Variants in RSPO1 observed in about 807,000 individuals in gnomAD.
RSPO1 encodes the protein R-spondin-1.
Under a neutral mutation model 26.0 loss-of-function variants are expected in RSPO1, and 18 were observed. The observed-to-expected ratio is 0.69, with a 90% CI of 0.48 to 1.03. The LOEUF is 1.03. Ranked by LOEUF, RSPO1 falls within the 50% of genes least tolerant of loss-of-function variation. RSPO1 has a pLI of 0.00. For synonymous variants in RSPO1, 133 were observed against 137.4 expected (o/e 0.97, Z 0.22); for missense variants, 309 against 352.3 (o/e 0.88, Z 0.98).
At position 37,613,719 on chromosome 1, in the gene RSPO1, C is replaced by T; in HGVS notation, c.610G>A (p.Val204Met). 6.2e-7 allele frequency: 1 copy of T among 1,613,594 alleles called. No homozygotes were observed. The highest frequency in any genetic ancestry group is 2.2e-5 in the East Asian group (1 of 44,872). ...TGCAGCTCACCCTCAGGACACGGCA[C>T]TCTCCTCACTGTGCACCTCCGGGTC... ...KETRRCTVRR[V>M]PCPEGQKRRK... The change falls in exon 6 of 7, where the codon GTG becomes ATG. Residue 204 changes from valine (V) to methionine (M), a missense_variant. Coordinates refer to ENST00000356545, the MANE Select transcript of RSPO1 (RefSeq NM_001242908.2). The surrounding 1 kb of genome is among the most constrained non-coding windows in gnomAD (Gnocchi z 4.5).
intron 5 of RSPO1, 122 bp from the exon 6 acceptor site, chr1:37,614,014 A>G: frequency 7.5e-7 from 1 of 1,334,174 alleles, no homozygotes; most frequent in Non-Finnish European, 1.1e-6. Flanking sequence ...CTGAGGCTGC[A>G]GGTATCTTTA....
intron 3 of RSPO1, among the ~76,000 whole-genome samples, chr1:37,628,543 T>C (rs948660443): frequency 3.9e-5 from 6 of 152,210 alleles, no homozygotes; most frequent in Admixed American, 1.3e-4. Context: ...CCTGTGGGTG[T>C]GGCATCTTCT....
chr1:37,632,329 A>T lies in RSPO1; in HGVS notation c.-331T>A, dbSNP rs1183577344. ...TGATCTTCTGGCCCACTCCCACCTG[A>T]ATCACCAGGAAACCACAATCTCAGC... On this transcript the variant is annotated 5_prime_UTR_variant, in exon 2 of 7. Coordinates refer to ENST00000356545, the MANE Select transcript of RSPO1 (RefSeq NM_001242908.2). 2 of 152,254 alleles carry T rather than the reference A, an allele frequency of 1.3e-5. No individual in the cohort carries two copies. Among genetic ancestry groups the T allele is most frequent in the East Asian group, 3.8e-4 (2 of 5,204 alleles). The allele number at this position is 152,254 out of a possible 1,614,324, so 9.4% of individuals were successfully genotyped here. A position where few individuals can be genotyped will look rare whatever the true frequency, so the allele number is the denominator to read the frequency against.
Position 37,619,447 on chromosome 1 carries a change from A to G in RSPO1, c.95-2772T>C, listed in dbSNP as rs78767119. ...GTGTGCTTCCCTGAAAAGGGGAGAT[A>G]AGGATGTCCACTCCGGACAACTGCT... On this transcript the variant is annotated intron_variant, in intron 3 of 6. Transcript: ENST00000356545. Among the ~76,000 whole-genome samples, 1,377 of 152,298 alleles carry G rather than the reference A, an allele frequency of 9.0e-3. 18 individuals are homozygous for G. Among genetic ancestry groups the G allele is most frequent in the African/African-American group, 0.032 (1,314 of 41,542 alleles).
Position 37,632,364 on chromosome 1 carries a change from G to A in RSPO1, c.-355-11C>T, listed in dbSNP as rs4233215. On this transcript the variant is annotated splice_polypyrimidine_tract_variant and intron_variant, in intron 1 of 6. Transcript: ENST00000356545. ...AAACCACAATCTCAGCTGGAAAATCGTAAGGAGGATCCAGATGTAAATTTC... is the reference window on the plus strand; with the variant it reads ...AAACCACAATCTCAGCTGGAAAATCATAAGGAGGATCCAGATGTAAATTTC... 30,003 of 152,180 alleles carry A rather than the reference G, an allele frequency of 0.2. 3,626 individuals carry two copies. Among genetic ancestry groups the A allele is most frequent in the East Asian group, 0.48 (2,471 of 5,180 alleles). 9.4% of individuals were successfully genotyped at this position (152,180 alleles called of 1,614,324 possible).
intron 4 of RSPO1, among the ~76,000 whole-genome samples, chr1:37,615,364 C>T (rs1644095213): frequency 6.6e-6 from 1 of 152,202 alleles, no homozygotes; most frequent in Admixed American, 6.5e-5. Context: ...ACACTAAGGG[C>T]TTTACATGCA....
chr1:37,613,750 G>C lies in RSPO1; in HGVS notation c.579C>G (p.Thr193=). ...TCACTGTGCACCTCCGGGTCTCCTT[G>C]GTGTCAGAGCAGGCAGCATGGTCCC... ...PVGDHAACSD[T]KETRRCTVRR... The change falls in exon 6 of 7, where the codon ACC becomes ACG. Residue 193 remains threonine (T), a synonymous_variant. Transcript: ENST00000356545. This position sits in a 1 kb window ranked among gnomAD's most constrained non-coding sequence, Gnocchi z 4.5. The C allele has an allele frequency of 6.2e-7, 1 of 1,613,930 alleles. No individual in the cohort carries two copies. The highest frequency in any genetic ancestry group is 1.1e-5 in the South Asian group (1 of 91,080).
At chr1:37,626,237 C>T (rs192269264) in intron 3 of RSPO1, among the ~76,000 whole-genome samples, 10 of 152,296 alleles carry the variant, frequency 6.6e-5, no homozygotes, top group Admixed American at 3.3e-4. Context: ...ACCCTCCCCT[C>T]AGCCCCAGAC....
rs534011478 is a variant in RSPO1 at position 37,612,921 on chromosome 1, C to T, written c.626G>A (p.Gly209Glu). ...CTVRRVPCPEGQKRRKGGQGR... is the reference protein window; with the variant it reads ...CTVRRVPCPEEQKRRKGGQGR... ...CTGGCCTCCCTTCCTCCTCTTCTGC[C>T]CTGAAACAACCAAACAGCAGGAAGA... is the stretch of plus-strand genomic sequence containing the variant. Residue 209 changes from glycine to glutamate, a missense_variant and splice_region_variant, in exon 7 of 7, where the codon GGG (glycine) becomes GAG (glutamate). Coordinates refer to ENST00000356545, the MANE Select transcript of RSPO1 (RefSeq NM_001242908.2). The T allele has an allele frequency of 1.5e-5, 25 of 1,613,990 alleles. No individual in the cohort carries two copies. The East Asian group carries it at 4.2e-4, about 27-fold the overall frequency.
Position 37,623,980 on chromosome 1 carries a change from T to C in RSPO1, c.94+5588A>G, listed in dbSNP as rs1245821655. Among the ~76,000 whole-genome samples the C allele has an allele frequency of 5.9e-5, 9 of 152,028 alleles. No individual in the cohort carries two copies. In the East Asian group the frequency reaches 1.8e-3, roughly 30 times the overall value. On this transcript the variant is annotated intron_variant, in intron 3 of 6. Coordinates refer to ENST00000356545, the MANE Select transcript of RSPO1 (RefSeq NM_001242908.2). ...TTTCACCATGTTGGCCAGGCTGGTC[T>C]TAAACTCCTGACCTCGTGATCTGCC... is the stretch of plus-strand genomic sequence containing the variant.
chr1:37,613,014 C>A lies in RSPO1; in HGVS notation c.626-93G>T. 7.0e-7 allele frequency: 1 copy of A among 1,433,762 alleles called. No individual in the cohort carries two copies. 88.8% of individuals were successfully genotyped at this position (1,433,762 alleles called of 1,614,324 possible). A position where few individuals can be genotyped will look rare whatever the true frequency, so the allele number is the denominator to read the frequency against. ...GCCCTAGGAGGGGAGTGTGAGGAAG[C>A]CGGAAGGGGAGGCAGGGAGGAGGCT... On this transcript the variant is annotated intron_variant, in intron 6 of 6. Transcript: ENST00000356545. The surrounding 1 kb of genome is among the most constrained non-coding windows in gnomAD (Gnocchi z 4.5).
chr1:37,616,382 G>A (rs1452912155), intron 4 of RSPO1, 102 bp downstream of exon 4: 8 of 1,065,422 alleles, frequency 7.5e-6, no homozygotes, highest in Non-Finnish European at 1.0e-5. Flanking sequence ...TCTCCTCAGA[G>A]CCCCCTCTGC....
chr1:37,624,202 C>T (rs2148176031), intron 3 of RSPO1, among the ~76,000 whole-genome samples: 1 of 152,294 alleles, frequency 6.6e-6, no homozygotes, highest in East Asian at 1.9e-4. Context: ...AGGAGGATAT[C>T]TTGAGCCCAG....
rs373554549 is a variant in RSPO1 at position 37,613,715 on chromosome 1, G to A, written c.614C>T (p.Pro205Leu). 3.0e-5 allele frequency: 48 copies of A among 1,613,226 alleles called. No individual in the cohort carries two copies. Among genetic ancestry groups the A allele is most frequent in the Admixed American group, 5.0e-5 (3 of 60,004 alleles). The part of the protein sequence containing the change: ...ETRRCTVRRV[P>L]CPEGQKRRKG... The stretch of plus-strand genomic sequence containing the variant: ...AGGCTGCAGCTCACCCTCAGGACAC[G>A]GCACTCTCCTCACTGTGCACCTCCG... Residue 205 changes from proline (P) to leucine (L), a missense_variant, in exon 6 of 7, where the codon CCG (proline) becomes CTG (leucine). Physicochemically the swap from Pro to Leu is moderately conservative, Grantham distance 98. Coordinates refer to ENST00000356545, the MANE Select transcript of RSPO1 (RefSeq NM_001242908.2). This position sits in a 1 kb window ranked among gnomAD's most constrained non-coding sequence, Gnocchi z 4.5.
At chr1:37,633,039 C>G (rs186982304) in intron 1 of RSPO1, among the ~76,000 whole-genome samples, 8 of 152,242 alleles carry the variant, frequency 5.3e-5, no homozygotes, top group African/African-American at 2.4e-5. Context: ...GGGCATTTCT[C>G]TCTGCCACTG....
At chr1:37,622,483 C>T (rs1644217006) in intron 3 of RSPO1, among the ~76,000 whole-genome samples, 1 of 152,156 alleles carries the variant, frequency 6.6e-6, no homozygotes, top group African/African-American at 2.4e-5. Flanking sequence ...TGCACTCCAG[C>T]CTGGATGACA....
chr1:37,627,219 C>T (rs999327738), intron 3 of RSPO1, among the ~76,000 whole-genome samples: 12 of 152,096 alleles, frequency 7.9e-5, no homozygotes, highest in Admixed American at 4.6e-4. Context: ...CCCCGAGGTC[C>T]ACCCAGTGCC....
At chr1:37,617,076 GATAA>G (rs1644125293) in intron 3 of RSPO1, among the ~76,000 whole-genome samples, 1 of 152,162 alleles carries the variant, frequency 6.6e-6, no homozygotes, top group Admixed American at 6.5e-5. Flanking sequence ...GGGCAAGAGG[GATAA>G]ATAGTGAAAT....
intron 3 of RSPO1, among the ~76,000 whole-genome samples, chr1:37,625,680 CTTT>C (rs1188013655): frequency 1.5e-5 from 2 of 137,808 alleles, no homozygotes; most frequent in African/African-American, 2.6e-5. Flanking sequence ...GCCCAGGATT[CTTT>C]TTTTTTTTTT....
Sources: allele counts gnomAD v4.1 joint callset (sites outside exome capture counted in the v4.1 genomes callset), GRCh38; gene constraint gnomAD v4.1.1; non-coding constraint Gnocchi (gnomAD v3.1); transcripts MANE v1.5; gene names NCBI Gene and HGNC (gene_info 2026-07-23, HGNC 2026-07-21).